The following CFAP54 variants were observed in gnomAD, a reference collection of about 807,000 sequenced individuals.
CFAP54 encodes cilia- and flagella-associated protein 54.
A neutral mutation model predicts 370.4 loss-of-function variants in CFAP54; 290 were observed. That is an observed-to-expected ratio of 0.78 (90% confidence interval 0.71 to 0.86). CFAP54 has a LOEUF of 0.86. Ranked by LOEUF, CFAP54 falls within the 40% of genes least tolerant of loss-of-function variation. The pLI is 0.00. For synonymous variants in CFAP54, 1,206 were observed against 1,236.5 expected (o/e 0.98, Z 0.52); for missense variants, 3,399 against 3,528.7 (o/e 0.96, Z 0.93).
chr12:96,728,690 C>T (rs903836944), intron 50 of CFAP54, among the ~76,000 whole-genome samples: 1 of 152,222 alleles, frequency 6.6e-6, no homozygotes, highest in African/African-American at 2.4e-5. Flanking sequence ...CAAAGTCATT[C>T]TCCGTCCAGC....
intron 66 of CFAP54, among the ~76,000 whole-genome samples, chr12:96,835,526 T>C (rs1959183366): frequency 6.6e-6 from 1 of 152,154 alleles, no homozygotes; most frequent in Non-Finnish European, 1.5e-5. Context: ...CAGGAACCTG[T>C]CTGCCTCCTG....
At chr12:96,697,671 G>C (rs940824151) in intron 45 of CFAP54, among the ~76,000 whole-genome samples, 3 of 152,074 alleles carry the variant, frequency 2.0e-5, no homozygotes, top group Non-Finnish European at 1.5e-5. Flanking sequence ...GATAAATGGA[G>C]TTTTCTTTTC....
intron 6 of CFAP54, among the ~76,000 whole-genome samples, chr12:96,520,827 A>G (rs1420780754): frequency 6.6e-6 from 1 of 152,222 alleles, no homozygotes; most frequent in Non-Finnish European, 1.5e-5. Flanking sequence ...TATCTTGTTA[A>G]CGACCATAAA....
intron 30 of CFAP54, among the ~76,000 whole-genome samples, 192 bp downstream of exon 30, chr12:96,627,131 C>T (rs1015328958): frequency 2.0e-5 from 3 of 152,122 alleles, no homozygotes; most frequent in Non-Finnish European, 4.4e-5. Flanking sequence ...ACAATGTACT[C>T]ACAAATGAGA....
chr12:96,616,200 A>C (rs815876), intron 26 of CFAP54, among the ~76,000 whole-genome samples: 4,105 of 152,326 alleles, frequency 0.027, 68 homozygotes, highest in Admixed American at 0.041. Flanking sequence ...GGATGAGTTC[A>C]TGTCCTTTGT....
intron 67 of CFAP54, among the ~76,000 whole-genome samples, chr12:96,873,446 A>G (rs1407682076): frequency 1.3e-5 from 2 of 152,210 alleles, no homozygotes; most frequent in East Asian, 3.8e-4. Flanking sequence ...GGCTCGACTC[A>G]ATCCAGAGGT....
At chr12:96,729,843 G>T (rs1957898497) in intron 50 of CFAP54, among the ~76,000 whole-genome samples, 1 of 152,072 alleles carries the variant, frequency 6.6e-6, no homozygotes, top group Non-Finnish European at 1.5e-5. Context: ...CCTCCAAGAT[G>T]ATTCTTTAGA....
intron 50 of CFAP54, among the ~76,000 whole-genome samples, chr12:96,731,457 T>C (rs1316399448): frequency 6.6e-6 from 1 of 152,200 alleles, no homozygotes. Context: ...GGACAAACTA[T>C]GGTTATTCAG....
chr12:96,640,352 G>A (rs759115039), intron 32 of CFAP54, among the ~76,000 whole-genome samples: 2 of 152,104 alleles, frequency 1.3e-5, no homozygotes, highest in Non-Finnish European at 2.9e-5. Flanking sequence ...AAAATAACTA[G>A]GAATCCAACT....
intron 55 of CFAP54, among the ~76,000 whole-genome samples, chr12:96,751,752 C>T (rs1319516853): frequency 6.6e-6 from 1 of 151,870 alleles, no homozygotes; most frequent in Non-Finnish European, 1.5e-5. Flanking sequence ...CAATTCAATC[C>T]CCTTGAACAA....
intron 14 of CFAP54, 41 bp downstream of exon 14, chr12:96,541,028 A>G: frequency 1.5e-6 from 2 of 1,311,596 alleles, no homozygotes; most frequent in Non-Finnish European, 2.0e-6. Flanking sequence ...ATATAAATAC[A>G]AATATATAGG....
rs550991832 is a variant in CFAP54 at position 96,841,427 on chromosome 12, A to G, written c.9171+12339A>G. Among the ~76,000 whole-genome samples, 9 of 152,342 alleles carry G rather than the reference A, an allele frequency of 5.9e-5. 1 individual carries two copies. Among genetic ancestry groups the G allele is most frequent in the East Asian group, 5.8e-4 (3 of 5,192 alleles). On this transcript the variant is annotated intron_variant, in intron 66 of 67. Coordinates refer to ENST00000524981, the MANE Select transcript of CFAP54 (RefSeq NM_001306084.2). ...TGGTTAGAAAACTAGACCTTTAGCA[A>G]TGGAATTATATTTTCATCTTAGGAG...
chr12:96,616,535 A>T (rs538268426), intron 26 of CFAP54, among the ~76,000 whole-genome samples: 1 of 151,916 alleles, frequency 6.6e-6, no homozygotes, highest in East Asian at 1.9e-4. Context: ...ACAGAAAAAG[A>T]TAATTAGATT....
rs1956136348 is a variant in CFAP54 at position 96,592,523 on chromosome 12, A to C, written c.3246A>C (p.Ser1082=). The change falls in exon 24 of 68, where the codon TCA becomes TCC. Residue 1082 remains serine (S), a synonymous_variant. Coordinates refer to ENST00000524981, the MANE Select transcript of CFAP54 (RefSeq NM_001306084.2). The part of the protein sequence containing the change: ...LHSDILAETS[S]ILLYLFLRNI... ...CAGATATTTTGGCAGAGACTTCTTC[A>C]ATCCTCTTGTACCTTTTTCTTAGAA... 1 of 878,594 alleles carries C rather than the reference A, an allele frequency of 1.1e-6. No individual in the cohort carries two copies. 54.4% of individuals were successfully genotyped at this position (878,594 alleles called of 1,614,324 possible).
intron 60 of CFAP54, among the ~76,000 whole-genome samples, chr12:96,783,639 C>A (rs569433952): frequency 7.9e-5 from 12 of 152,258 alleles, no homozygotes; most frequent in African/African-American, 2.9e-4. Context: ...GTAATCCCAG[C>A]ATTTTGGAAG....
chr12:96,569,004 A>G (rs934632513), intron 19 of CFAP54, among the ~76,000 whole-genome samples: 1 of 151,750 alleles, frequency 6.6e-6, no homozygotes, highest in African/African-American at 2.4e-5. Context: ...ATTATTCCAT[A>G]GGATTATATT....
chr12:96,618,247 A>T (rs1642979), intron 26 of CFAP54, among the ~76,000 whole-genome samples: 104,054 of 151,468 alleles, frequency 0.69, 35,874 homozygotes, highest in African/African-American at 0.71. Context: ...AACTTCTGCT[A>T]AAACAATCCA....
At chr12:96,537,788 A>G (rs952921875) in intron 12 of CFAP54, among the ~76,000 whole-genome samples, 7 of 152,126 alleles carry the variant, frequency 4.6e-5, no homozygotes, top group South Asian at 4.1e-4. Flanking sequence ...TAGAGCATTC[A>G]TTAAGAGTGA....
intron 65 of CFAP54, among the ~76,000 whole-genome samples, chr12:96,826,306 A>AGACAATATATATATTGAATATATGTAGTC (rs1959101369): frequency 3.0e-5 from 4 of 133,530 alleles, no homozygotes; most frequent in African/African-American, 1.1e-4. Context: ...TATATATAGA[A>AGACAATATATATATTGAATATATGTAGTC]GACAATATAT....
Sources: allele counts gnomAD v4.1 joint callset (sites outside exome capture counted in the v4.1 genomes callset), GRCh38; gene constraint gnomAD v4.1.1; transcripts MANE v1.5; gene names NCBI Gene and HGNC (gene_info 2026-07-23, HGNC 2026-07-21).